SPTLC3: variants seen among roughly 807,000 people sequenced by gnomAD.
SPTLC3 encodes serine palmitoyltransferase long chain base subunit 3.
In SPTLC3, 36 loss-of-function variants were observed where a neutral mutation model predicts 59.3. The ratio of observed to expected loss-of-function variants is 0.61; its 90% confidence interval spans 0.47 to 0.80. The LOEUF (loss-of-function observed/expected upper bound fraction) is 0.80. SPTLC3 is among the 30% of genes least tolerant of loss of function. The probability of loss-of-function intolerance (pLI) is 0.00; values close to 1 mark genes in which losing one functional copy is unlikely to be tolerated. For synonymous variants in SPTLC3, 257 were observed against 240.8 expected (o/e 1.07, Z -0.62); for missense variants, 625 against 685.1 (o/e 0.91, Z 0.98).
In SPTLC3 at chr20:13,072,333, C is replaced by G; in HGVS notation, c.381C>G (p.Asn127Lys). The change falls in exon 3 of 12, where the codon AAC becomes AAG. Residue 127 changes from asparagine (N) to lysine (K), a missense_variant. Transcript: ENST00000399002. ...ACATGCGAATCAGAGACAACTGGAA[C>G]CGGCCCATCTGCAGTGCCCCAGGGC... ...NLYMRIRDNW[N>K]RPICSAPGPL... 1 of 1,613,814 alleles carries G rather than the reference C, an allele frequency of 6.2e-7. No individual in the cohort carries two copies. Among genetic ancestry groups the G allele is most frequent in the Non-Finnish European group, 8.5e-7 (1 of 1,179,780 alleles).
At chr20:13,115,679 C>T (rs1323300682) in intron 7 of SPTLC3, among the ~76,000 whole-genome samples, 2 of 152,156 alleles carry the variant, frequency 1.3e-5, no homozygotes, top group Non-Finnish European at 2.9e-5. Flanking sequence ...CAACACAGAA[C>T]ATTGTCAAGG....
At chr20:13,043,269 C>T (rs749335329) in intron 1 of SPTLC3, among the ~76,000 whole-genome samples, 1 of 152,164 alleles carries the variant, frequency 6.6e-6, no homozygotes, top group South Asian at 2.1e-4. Flanking sequence ...TTCATCCTCC[C>T]TGAGCCAATC....
intron 4 of SPTLC3, among the ~76,000 whole-genome samples, chr20:13,085,576 CAATTTGGAA>C (rs1364012894): frequency 6.6e-6 from 1 of 152,130 alleles, no homozygotes; most frequent in Non-Finnish European, 1.5e-5. Flanking sequence ...GCTACGGTTA[CAATTTGGAA>C]AATAGTCTTC....
intron 9 of SPTLC3, among the ~76,000 whole-genome samples, chr20:13,149,196 A>G (rs1049929297): frequency 6.6e-6 from 1 of 152,206 alleles, no homozygotes; most frequent in Non-Finnish European, 1.5e-5. Flanking sequence ...ACTTTCCCTG[A>G]CTTCTGTGTA....
rs111921960 is a variant in SPTLC3 at position 13,099,670 on chromosome 20, T to C, written c.826+6093T>C. 5.5e-3 allele frequency among the ~76,000 whole-genome samples: 845 copies of C among 152,260 alleles called. 5 individuals carry two copies. The highest frequency in any genetic ancestry group is 9.3e-3 in the Non-Finnish European group (632 of 68,016). On this transcript the variant is annotated intron_variant, in intron 6 of 11. Coordinates refer to ENST00000399002, the MANE Select transcript of SPTLC3 (RefSeq NM_018327.4). ...TGAGAGGTGAGGGAAGCAAGAAGTA[T>C]AAGGACAGGGAAAGAACTGAATGGA...
chr20:13,130,751 A>G (rs1271997346), intron 9 of SPTLC3, among the ~76,000 whole-genome samples: 3 of 152,310 alleles, frequency 2.0e-5, no homozygotes, highest in East Asian at 1.9e-4. Flanking sequence ...CTCCATCCTA[A>G]TGGATGCTGG....
chr20:13,046,714 G>C (rs916423797), intron 1 of SPTLC3, among the ~76,000 whole-genome samples: 4 of 152,152 alleles, frequency 2.6e-5, no homozygotes, highest in Non-Finnish European at 5.9e-5. Context: ...AGCATAGCAA[G>C]ATCAGCCATC....
intron 9 of SPTLC3, among the ~76,000 whole-genome samples, chr20:13,149,405 T>A (rs2038592861): frequency 1.3e-5 from 2 of 152,244 alleles, no homozygotes. Context: ...CCAACATAAT[T>A]AATAAAATCA....
At chr20:13,022,174 C>T (rs571751836) in intron 1 of SPTLC3, among the ~76,000 whole-genome samples, 2 of 152,160 alleles carry the variant, frequency 1.3e-5, no homozygotes, top group African/African-American at 2.4e-5. Flanking sequence ...AACCCTGGTG[C>T]CATTCGTGAC....
intron 1 of SPTLC3, among the ~76,000 whole-genome samples, chr20:13,037,512 G>A (rs1463232493): frequency 4.6e-5 from 7 of 152,108 alleles, no homozygotes; most frequent in Non-Finnish European, 8.8e-5. Context: ...AACTCAAATT[G>A]AGCCCCATTT....
At chr20:13,043,947 T>C (rs1441181724) in intron 1 of SPTLC3, among the ~76,000 whole-genome samples, 1 of 152,084 alleles carries the variant, frequency 6.6e-6, no homozygotes, top group African/African-American at 2.4e-5. Context: ...CCATATACAA[T>C]GGTCTTGTTG....
At chr20:13,052,031 C>A (rs1987513338) in intron 2 of SPTLC3, among the ~76,000 whole-genome samples, 1 of 152,072 alleles carries the variant, frequency 6.6e-6, no homozygotes, top group Non-Finnish European at 1.5e-5. Context: ...GAAACTTGAA[C>A]AAACCAAACG....
At chr20:13,088,896 G>A (rs1989105287) in intron 4 of SPTLC3, among the ~76,000 whole-genome samples, 2 of 149,960 alleles carry the variant, frequency 1.3e-5, no homozygotes, top group African/African-American at 4.9e-5. Flanking sequence ...CTCCCAAAGT[G>A]CTGGGATTAC....
At chr20:13,038,752 A>G (rs1600222760) in intron 1 of SPTLC3, among the ~76,000 whole-genome samples, 1 of 152,130 alleles carries the variant, frequency 6.6e-6, no homozygotes. Context: ...ATTGATTTAG[A>G]TCTTTCTTTT....
In SPTLC3 at chr20:13,076,509, T is replaced by C. The variant is rs940572132; in HGVS notation, c.607+2012T>C. 2.0e-5 allele frequency among the ~76,000 whole-genome samples: 3 copies of C among 147,560 alleles called. No homozygotes were observed. The East Asian group carries it at 6.1e-4, about 30-fold the overall frequency. On this transcript the variant is annotated intron_variant, in intron 4 of 11. Coordinates refer to ENST00000399002, the MANE Select transcript of SPTLC3 (RefSeq NM_018327.4). The stretch of plus-strand genomic sequence containing the variant: ...TCCTCAGAGCTTTTAAAAATAGTTT[T>C]CAATGTTCCAGGGGAAAAAGGAAAA...
intron 6 of SPTLC3, among the ~76,000 whole-genome samples, chr20:13,097,707 A>G (rs1312457481): frequency 6.6e-6 from 1 of 152,130 alleles, no homozygotes; most frequent in Non-Finnish European, 1.5e-5. Flanking sequence ...AGAGCACTGA[A>G]TCCTGTCACC....
intron 5 of SPTLC3, among the ~76,000 whole-genome samples, chr20:13,091,995 CAA>C (rs947936714): frequency 6.6e-6 from 1 of 152,050 alleles, no homozygotes; most frequent in African/African-American, 2.4e-5. Flanking sequence ...ATGGGGGAAA[CAA>C]TATGCTGAAT....
At chr20:13,148,680 A>G (rs1296673703) in intron 9 of SPTLC3, among the ~76,000 whole-genome samples, 1 of 152,212 alleles carries the variant, frequency 6.6e-6, no homozygotes, top group Non-Finnish European at 1.5e-5. Flanking sequence ...TGGACCAGAA[A>G]TGGCAGCTAT....
At chr20:13,105,412 T>G (rs1475049306) in intron 6 of SPTLC3, among the ~76,000 whole-genome samples, 1 of 152,202 alleles carries the variant, frequency 6.6e-6, no homozygotes, top group Admixed American at 6.5e-5. Context: ...TGGAAAAGAC[T>G]GGGATTCCTC....
Sources: gnomAD v4.1 joint callset for allele counts (sites outside exome capture counted in the v4.1 genomes callset) on GRCh38, gnomAD v4.1.1 for gene constraint, MANE v1.5 for transcripts, NCBI Gene and HGNC (gene_info 2026-07-23, HGNC 2026-07-21) for gene names.